Variants in RHOU observed in about 807,000 individuals in gnomAD.
RHOU encodes ras homolog family member U, also known as rho-related GTP-binding protein RhoU.
Under a neutral mutation model 12.6 loss-of-function variants are expected in RHOU, and 8 were observed. The ratio of observed to expected loss-of-function variants is 0.64; its 90% confidence interval spans 0.37 to 1.15. The LOEUF (loss-of-function observed/expected upper bound fraction) is 1.15, where lower values mean the gene tolerates loss of function less well. Ranked by LOEUF, RHOU falls within the 50% of genes most tolerant of loss-of-function variation. The probability of loss-of-function intolerance (pLI) is 0.01; values close to 1 mark genes in which losing one functional copy is unlikely to be tolerated. For missense variants in RHOU, 258 were observed against 347.0 expected (o/e 0.74, Z 2.04); for synonymous variants, 161 against 147.4 (o/e 1.09, Z -0.67).
At chr1:228,721,107 G>A in the RHOU span, among the ~76,000 whole-genome samples, 1 of 151,858 alleles carries the variant, frequency 6.6e-6, no homozygotes, top group Non-Finnish European at 1.5e-5. Flanking sequence ...TTTGAGACCA[G>A]CCTGGCCAAC....
chr1:228,703,487 C>T, the RHOU span, among the ~76,000 whole-genome samples: 1 of 150,950 alleles, frequency 6.6e-6, no homozygotes, highest in Non-Finnish European at 1.5e-5. Context: ...GATCGCGCCA[C>T]TGCACTCCAG....
chr1:228,664,230 G>T, the RHOU span, among the ~76,000 whole-genome samples: 2 of 118,248 alleles, frequency 1.7e-5, no homozygotes, highest in African/African-American at 8.0e-5. Flanking sequence ...TATTTCCCAG[G>T]CTGGTCTCGA....
At chr1:228,712,800 TA>T in the RHOU span, among the ~76,000 whole-genome samples, 2 of 147,646 alleles carry the variant, frequency 1.4e-5, no homozygotes, top group African/African-American at 2.5e-5. Context: ...CCCTAAAACT[TA>T]AAGTATAATA....
the RHOU span, among the ~76,000 whole-genome samples, chr1:228,722,824 C>T: frequency 6.6e-6 from 1 of 151,982 alleles, no homozygotes; most frequent in Admixed American, 6.6e-5. Flanking sequence ...GGTTTCACCA[C>T]GTTGGCCAGG....
At chr1:228,734,647 C>T (rs958886077), upstream of RHOU, among the ~76,000 whole-genome samples, 1 of 152,096 alleles carries the variant, frequency 6.6e-6, no homozygotes, top group Non-Finnish European at 1.5e-5. Flanking sequence ...TAATATGTGG[C>T]CCTTCTCACA....
chr1:228,664,605 C>T, the RHOU span, among the ~76,000 whole-genome samples: 1 of 152,090 alleles, frequency 6.6e-6, no homozygotes, highest in African/African-American at 2.4e-5. Flanking sequence ...GAGCCAAAAC[C>T]TTTGCCAGGA....
At chr1:228,664,297 C>T in the RHOU span, among the ~76,000 whole-genome samples, 2 of 151,692 alleles carry the variant, frequency 1.3e-5, no homozygotes, top group African/African-American at 2.4e-5. Context: ...CAGGTGTGAG[C>T]CGCTGCGCTC....
the RHOU span, chr1:228,687,974 C>G: frequency 1.6e-6 from 1 of 638,392 alleles, no homozygotes; most frequent in African/African-American, 1.8e-5. Flanking sequence ...TTCCTCCCTC[C>G]CTCCCTCCCT....
chr1:228,683,068 T>A, the RHOU span, among the ~76,000 whole-genome samples: 35 of 149,584 alleles, frequency 2.3e-4, no homozygotes, highest in African/African-American at 9.0e-4. Flanking sequence ...AGTAAGTGAA[T>A]CAATCCTTGT....
rs3820264 is a variant in RHOU at position 228,743,324 on chromosome 1, A to G, written c.361A>G (p.Thr121Ala). The change falls in exon 3 of 3, where the codon ACA (threonine) becomes GCA (alanine). Residue 121 changes from threonine to alanine, a missense_variant. Coordinates refer to ENST00000366691, the MANE Select transcript of RHOU (RefSeq NM_021205.6). This position sits in a 1 kb window ranked among gnomAD's most constrained non-coding sequence, Gnocchi z 5.1. ...GCTGAGGCCTCTCTGCTACACCAAC[A>G]CAGACATCTTCCTGCTCTGCTTCAG... ...DKLRPLCYTN[T>A]DIFLLCFSVV... is the part of the protein sequence containing the mutation. 5.3e-5 allele frequency: 85 copies of G among 1,614,196 alleles called. No homozygotes were observed. The East Asian group carries it at 1.8e-3, about 34-fold the overall frequency.
At position 228,735,856 on chromosome 1, in the gene RHOU, C is replaced by T. The variant is rs775005383; in HGVS notation, c.114C>T (p.Gly38=). ...GACGCGGGCCTGGGGAGCCGGGGGG[C>T]CGGGGGCGTGCGGGGGGTGCCGAGG... The part of the protein sequence containing the change: ...RGGRGPGEPG[G]RGRAGGAEGR... Residue 38 remains glycine (G), a synonymous_variant, in exon 1 of 3, where the codon GGC becomes GGT. Coordinates refer to ENST00000366691, the MANE Select transcript of RHOU (RefSeq NM_021205.6). This position sits in a 1 kb window ranked among gnomAD's most constrained non-coding sequence, Gnocchi z 8.1. 1.1e-5 allele frequency: 16 copies of T among 1,393,104 alleles called. No homozygotes were observed. Among genetic ancestry groups the T allele is most frequent in the Middle Eastern group, 5.3e-4 (2 of 3,802 alleles). 86.3% of individuals were successfully genotyped at this position (1,393,104 alleles called of 1,614,324 possible). A position where few individuals can be genotyped will look rare whatever the true frequency, so the allele number is the denominator to read the frequency against.
At chr1:228,670,857 T>G in the RHOU span, among the ~76,000 whole-genome samples, 1 of 152,158 alleles carries the variant, frequency 6.6e-6, no homozygotes, top group South Asian at 2.1e-4. Flanking sequence ...TGTCTGTTGC[T>G]CCACTGTGGG....
the RHOU span, among the ~76,000 whole-genome samples, chr1:228,672,097 A>C: frequency 6.6e-6 from 1 of 152,244 alleles, no homozygotes; most frequent in Non-Finnish European, 1.5e-5. Flanking sequence ...TATATGCCAA[A>C]CATTCTTCTA....
At chr1:228,735,085 CG>C (rs1662564049), upstream of RHOU, 1 of 152,230 alleles carries the variant, frequency 6.6e-6, no homozygotes, top group African/African-American at 2.4e-5. The surrounding 1 kb of genome is among the most constrained non-coding windows in gnomAD (Gnocchi z 8.1). Flanking sequence ...GGGGGCTCCA[CG>C]GAGTGAATAG....
Position 228,745,150 on chromosome 1 carries a change from C to T in RHOU, c.*1410C>T, listed in dbSNP as rs533926802. On this transcript the variant is annotated 3_prime_UTR_variant, in exon 3 of 3. Transcript: ENST00000366691. ...CATGGCCCCCATACTTGGCTGCTTC[C>T]TGTGACAGTGAAATACATCCTTCAA... 6.6e-6 allele frequency: 1 copy of T among 152,364 alleles called. No individual in the cohort carries two copies. The highest frequency in any genetic ancestry group is 2.4e-5 in the African/African-American group (1 of 41,580). 9.4% of individuals were successfully genotyped at this position (152,364 alleles called of 1,614,324 possible).
the RHOU span, among the ~76,000 whole-genome samples, chr1:228,664,496 TG>T: frequency 1.3e-5 from 2 of 152,170 alleles, no homozygotes; most frequent in East Asian, 3.9e-4. Flanking sequence ...TTAACCTTTT[TG>T]CTAGGTGGGG....
At chr1:228,724,119 G>T in the RHOU span, among the ~76,000 whole-genome samples, 1 of 152,150 alleles carries the variant, frequency 6.6e-6, no homozygotes, top group Non-Finnish European at 1.5e-5. Context: ...TGAAACATCA[G>T]CTTCGTGGAG....
At chr1:228,658,093 A>C in the RHOU span, among the ~76,000 whole-genome samples, 3 of 152,062 alleles carry the variant, frequency 2.0e-5, no homozygotes, top group African/African-American at 7.2e-5. Flanking sequence ...CAGCCAGGGC[A>C]ACATGGGAAA....
the RHOU span, among the ~76,000 whole-genome samples, chr1:228,701,002 T>C: frequency 1.3e-5 from 2 of 151,992 alleles, no homozygotes; most frequent in Admixed American, 6.6e-5. Context: ...GGTAGGAGGA[T>C]TGCATGAGTC....
Sources: gnomAD v4.1 joint callset for allele counts (sites outside exome capture counted in the v4.1 genomes callset) on GRCh38, gnomAD v4.1.1 for gene constraint, Gnocchi (gnomAD v3.1) non-coding constraint, MANE v1.5 for transcripts, NCBI Gene and HGNC (gene_info 2026-07-23, HGNC 2026-07-21) for gene names.